Variants in JUP observed in about 807,000 individuals in gnomAD.
JUP encodes catenin (cadherin-associated protein), gamma 80kDa.
JUP carries 28 observed loss-of-function variants against 71.1 expected under a neutral mutation model. The observed-to-expected ratio is 0.39, with a 90% CI of 0.29 to 0.54. The LOEUF (loss-of-function observed/expected upper bound fraction) is 0.54, where lower values mean the gene tolerates loss of function less well. Among genes scored for constraint, JUP ranks in the 20% least tolerant of loss-of-function variants. The pLI, the probability that JUP is intolerant of heterozygous loss-of-function variation, is 0.62. For missense variants in JUP, 869 were observed against 1,030.1 expected (o/e 0.84, Z 2.14); for synonymous variants, 401 against 438.9 (o/e 0.91, Z 1.08).
Position 41,783,285 on chromosome 17 carries a change from G to T in JUP, c.-9+3303C>A, listed in dbSNP as rs1209601197. On this transcript the variant is annotated intron_variant, in intron 1 of 13. Coordinates refer to ENST00000393931, the MANE Select transcript of JUP (RefSeq NM_002230.4). ...CTGTAGAATGCGAATAATGATACGC[G>T]TTTTTTTTGTTTTTTTTTTTTTTTT... Among the ~76,000 whole-genome samples, 5 of 85,238 alleles carry T rather than the reference G, an allele frequency of 5.9e-5. No individual in the cohort carries two copies. In the Admixed American group the frequency reaches 1.0e-3, roughly 17 times the overall value. 55.9% of individuals were successfully genotyped at this position (85,238 alleles called of 152,430 possible).
chr17:41,773,385 G>A (rs1399199558), intron 1 of JUP, among the ~76,000 whole-genome samples: 4 of 152,218 alleles, frequency 2.6e-5, no homozygotes, highest in Non-Finnish European at 5.9e-5. Flanking sequence ...AGCACACCCG[G>A]AACAGGCAGA....
intron 4 of JUP, among the ~76,000 whole-genome samples, chr17:41,768,170 G>A (rs1555604815): frequency 2.0e-5 from 3 of 152,134 alleles, no homozygotes; most frequent in African/African-American, 7.2e-5. Flanking sequence ...AGGCCAAGGG[G>A]GGCAGATCAC....
At chr17:41,762,922 A>AT in intron 8 of JUP, 61 bp downstream of exon 8, 1 of 1,456,994 alleles carries the variant, frequency 6.9e-7, no homozygotes, top group Non-Finnish European at 9.6e-7. Context: ...GGCTTTGCCT[A>AT]TACCAATACA....
Position 41,772,862 on chromosome 17 carries a change from T to C in JUP, c.-8-1000A>G, listed in dbSNP as rs1173793063. ...AGGGCCGAACTTTGTACCAGGGAGG[T>C]GAACTTCCCGCTTGGTCTGTGTTTG... On this transcript the variant is annotated intron_variant, in intron 1 of 13. Coordinates refer to ENST00000393931, the MANE Select transcript of JUP (RefSeq NM_002230.4). 16 of 984,982 alleles carry C rather than the reference T, an allele frequency of 1.6e-5. No individual in the cohort carries two copies. The East Asian group carries it at 1.8e-3, about 112-fold the overall frequency. 61.0% of individuals were successfully genotyped at this position (984,982 alleles called of 1,614,324 possible).
chr17:41,779,093 A>G (rs1309254253), intron 1 of JUP, among the ~76,000 whole-genome samples: 1 of 138,862 alleles, frequency 7.2e-6, no homozygotes, highest in African/African-American at 2.7e-5. Context: ...AAAACTAGCC[A>G]GGCATGGTGG....
At chr17:41,775,759 C>T (rs564319815) in intron 1 of JUP, among the ~76,000 whole-genome samples, 4 of 152,208 alleles carry the variant, frequency 2.6e-5, no homozygotes, top group East Asian at 1.9e-4. Flanking sequence ...AGAAGGAAGA[C>T]GGGCCCTGGA....
chr17:41,781,994 T>C (rs2047190656), intron 1 of JUP, among the ~76,000 whole-genome samples: 1 of 152,164 alleles, frequency 6.6e-6, no homozygotes, highest in Admixed American at 6.5e-5. Context: ...TCAAGTCCCA[T>C]TAGCCTTCTC....
At chr17:41,776,663 G>A (rs1447805659) in intron 1 of JUP, among the ~76,000 whole-genome samples, 2 of 152,294 alleles carry the variant, frequency 1.3e-5, no homozygotes, top group South Asian at 2.1e-4. Context: ...AGTGAGCCAG[G>A]ATCATGCCAC....
intron 1 of JUP, among the ~76,000 whole-genome samples, chr17:41,782,806 G>T (rs2047231016): frequency 6.6e-6 from 1 of 152,014 alleles, no homozygotes; most frequent in African/African-American, 2.4e-5. Context: ...CTCTCAAAAG[G>T]GGGTGCAGAA....
chr17:41,783,448 C>T (rs996165407), intron 1 of JUP, among the ~76,000 whole-genome samples: 1 of 151,726 alleles, frequency 6.6e-6, no homozygotes, highest in Non-Finnish European at 1.5e-5. Flanking sequence ...CCACCACGCC[C>T]GGCTAATTTT....
At chr17:41,784,001 T>G (rs1555611073) in intron 1 of JUP, among the ~76,000 whole-genome samples, 1 of 151,940 alleles carries the variant, frequency 6.6e-6, no homozygotes, top group African/African-American at 2.4e-5. Flanking sequence ...GGTATTAGTA[T>G]TCCCATTTTG....
chr17:41,774,888 G>T (rs1917210908), intron 1 of JUP, among the ~76,000 whole-genome samples: 1 of 151,898 alleles, frequency 6.6e-6, no homozygotes, highest in South Asian at 2.1e-4. Context: ...AGATCACGAG[G>T]TCAGGAGTTC....
intron 8 of JUP, among the ~76,000 whole-genome samples, chr17:41,762,176 A>AGTGTGTGTGTGTGT (rs137970272): frequency 1.3e-4 from 6 of 44,798 alleles, no homozygotes; most frequent in African/African-American, 6.4e-4. Context: ...AGAGAGAGAG[A>AGTGTGTGTGTGTGT]GTGTGTGTGT....
chr17:41,763,342 G>A (rs782076325), intron 7 of JUP, 21 bp from the exon 8 acceptor site: 210 of 1,585,100 alleles, frequency 1.3e-4, no homozygotes, highest in Non-Finnish European at 1.7e-4. Context: ...AGGAAGGGAC[G>A]GGGGAGTCAG....
intron 1 of JUP, among the ~76,000 whole-genome samples, chr17:41,782,703 A>G (rs1454555033): frequency 6.6e-6 from 1 of 152,118 alleles, no homozygotes; most frequent in Non-Finnish European, 1.5e-5. Context: ...CAGGACAGGT[A>G]TCACCCCCAC....
chr17:41,763,015 G>A lies in JUP; in HGVS notation c.1465C>T (p.Leu489Phe), dbSNP rs782319542. 6.2e-7 allele frequency: 1 copy of A among 1,614,106 alleles called. No homozygotes were observed. Among genetic ancestry groups the A allele is most frequent in the South Asian group, 1.1e-5 (1 of 91,088 alleles). The change falls in exon 8 of 14, where the codon CTC becomes TTC. Residue 489 changes from leucine (L) to phenylalanine (F), a missense_variant. Transcript: ENST00000393931. ...NYGIPAIVKL[L>F]NQPNQWPLVK... is the part of the protein sequence containing the mutation. Reference sequence around the variant, plus strand: ...AGTGGCCACTGGTTGGGCTGGTTGAGCAGCTTCACGATGGCTGGGATGCCA... The same window carrying A: ...AGTGGCCACTGGTTGGGCTGGTTGAACAGCTTCACGATGGCTGGGATGCCA...
At chr17:41,765,224 G>T (rs1455206867) in intron 5 of JUP, among the ~76,000 whole-genome samples, 157 bp from the exon 6 acceptor site, 1 of 152,110 alleles carries the variant, frequency 6.6e-6, no homozygotes, top group African/African-American at 2.4e-5. Flanking sequence ...TTATAAAGAT[G>T]GGGGTCTCAC....
rs139552714 is a variant in JUP, at chr17:41,769,115, G to T, written c.561C>A (p.Ala187=). 2 of 1,611,622 alleles carry T rather than the reference G, an allele frequency of 1.2e-6. No homozygotes were observed. The highest frequency in any genetic ancestry group is 1.7e-5 in the Admixed American group (1 of 60,006). The stretch of plus-strand genomic sequence containing the variant: ...TATTCTGCATGGTACGCACGACAGC[G>T]GCCACCAGCTGGGGCGAGCCCATCA... The part of the protein sequence containing the change: ...RALMGSPQLV[A]AVVRTMQNTS... Residue 187 remains alanine, a synonymous_variant, in exon 4 of 14, where the codon GCC becomes GCA. Transcript: ENST00000393931.
intron 1 of JUP, among the ~76,000 whole-genome samples, chr17:41,774,843 C>A (rs1363344065): frequency 2.0e-5 from 3 of 151,868 alleles, no homozygotes; most frequent in Non-Finnish European, 4.4e-5. Flanking sequence ...TGGCTCACAC[C>A]TGTAATCCCA....
Sources: gnomAD v4.1 joint callset for allele counts (sites outside exome capture counted in the v4.1 genomes callset) on GRCh38, gnomAD v4.1.1 for gene constraint, MANE v1.5 for transcripts, NCBI Gene and HGNC (gene_info 2026-07-23, HGNC 2026-07-21) for gene names.